The following SP140L variants were observed in gnomAD, a reference collection of about 807,000 sequenced individuals.
The protein encoded by SP140L is SP140 like nuclear body protein.
A neutral mutation model predicts 84.3 loss-of-function variants in SP140L; 64 were observed. The observed-to-expected ratio is 0.76, with a 90% CI of 0.62 to 0.94. The LOEUF (loss-of-function observed/expected upper bound fraction) is 0.94. Ranked by LOEUF, SP140L falls within the 40% of genes least tolerant of loss-of-function variation. The probability of loss-of-function intolerance (pLI) is 0.00; values close to 1 mark genes in which losing one functional copy is unlikely to be tolerated. For missense variants in SP140L, 628 were observed against 692.5 expected, an observed-to-expected ratio of 0.91 and a Z score of 1.05; for synonymous variants, 242 against 236.9, an observed-to-expected ratio of 1.02 and a Z score of -0.20.
At chr2:230,330,666 A>G (rs1319389682) in intron 2 of SP140L, among the ~76,000 whole-genome samples, 1 of 152,176 alleles carries the variant, frequency 6.6e-6, no homozygotes, top group African/African-American at 2.4e-5. Flanking sequence ...AAGGTCTTGT[A>G]CTTCTGCTAG....
intron 2 of SP140L, among the ~76,000 whole-genome samples, chr2:230,338,824 C>A (rs2059951023): frequency 7.0e-6 from 1 of 143,786 alleles, no homozygotes; most frequent in Non-Finnish European, 1.5e-5. Context: ...ATTAAACCAG[C>A]CTTGCATCCC....
At chr2:230,400,416 A>T (rs1324803480) in intron 15 of SP140L, 174 bp downstream of exon 15, 7 of 632,452 alleles carry the variant, frequency 1.1e-5, no homozygotes, top group Admixed American at 5.6e-5. Context: ...AGCAGGAGGT[A>T]AATGCTCTCT....
At chr2:230,401,513 G>A in intron 17 of SP140L, 70 bp downstream of exon 17, 4 of 1,175,182 alleles carry the variant, frequency 3.4e-6, no homozygotes, top group African/African-American at 1.9e-5. Flanking sequence ...GGGCCCTCGT[G>A]AGATTTGTGA....
chr2:230,401,167 G>A (rs550184553), intron 16 of SP140L, 104 bp downstream of exon 16: 24 of 644,590 alleles, frequency 3.7e-5, no homozygotes, highest in Admixed American at 6.1e-5. Flanking sequence ...CTGCTCTTCC[G>A]CGCCACACTT....
Position 230,385,273 on chromosome 2 carries a change from C to T in SP140L, c.753C>T (p.Asn251=). ...TGGTCTCGAGTGAAAAGAAGGCGAA[C>T]ATGAATCTGAAAGACCTTTCCAAGA... ...GQLVSSEKKA[N]MNLKDLSKIR... is the part of the protein sequence containing the mutation. The change falls in exon 9 of 19, where the codon AAC becomes AAT. Residue 251 remains asparagine (N), a synonymous_variant. Transcript: ENST00000415673. 1 of 1,613,704 alleles carries T rather than the reference C, an allele frequency of 6.2e-7. No individual in the cohort carries two copies. The highest frequency in any genetic ancestry group is 8.5e-7 in the Non-Finnish European group (1 of 1,179,730).
At chr2:230,385,130 T>G in intron 8 of SP140L, 94 bp from the exon 9 acceptor site, 1 of 1,251,706 alleles carries the variant, frequency 8.0e-7, no homozygotes, top group Non-Finnish European at 1.1e-6. Flanking sequence ...GGATCCAGAG[T>G]GAAACCCAGG....
In SP140L at chr2:230,357,833, G is replaced by C; in HGVS notation, c.136G>C (p.Glu46Gln). Residue 46 changes from glutamate (E) to glutamine (Q), a missense_variant, in exon 3 of 19, where the codon GAG (glutamate) becomes CAG (glutamine). By Grantham distance (29) the Glu-to-Gln change is conservative (BLOSUM62 2). This residue lies in a region of SP140L where 525 missense variants were observed against 518.4 expected (regional missense o/e 1.01). Transcript: ENST00000415673. ...GTTCACGGAAGACCAGGATGTAGATGAGGGACTTGTCTATGACACTGTATT... is the reference window on the plus strand; with the variant it reads ...GTTCACGGAAGACCAGGATGTAGATCAGGGACTTGTCTATGACACTGTATT... ...RLFTEDQDVD[E>Q]GLVYDTVFKH... 6.2e-7 allele frequency: 1 copy of C among 1,613,196 alleles called. No individual in the cohort carries two copies. Among genetic ancestry groups the C allele is most frequent in the Non-Finnish European group, 8.5e-7 (1 of 1,179,700 alleles).
At chr2:230,370,479 G>A (rs1246199960) in intron 5 of SP140L, among the ~76,000 whole-genome samples, 1 of 152,128 alleles carries the variant, frequency 6.6e-6, no homozygotes, top group Admixed American at 6.5e-5. Flanking sequence ...ACTTCTCACT[G>A]ACATAACTGG....
At chr2:230,392,376 C>G in intron 12 of SP140L, 147 bp downstream of exon 12, 1 of 1,256,460 alleles carries the variant, frequency 8.0e-7, no homozygotes, top group Non-Finnish European at 1.1e-6. Context: ...GAGAGGGACC[C>G]CATATCCATA....
intron 9 of SP140L, among the ~76,000 whole-genome samples, 168 bp from the exon 10 acceptor site, chr2:230,388,391 A>G (rs1559453498): frequency 6.6e-6 from 1 of 152,208 alleles, no homozygotes; most frequent in Non-Finnish European, 1.5e-5. Flanking sequence ...TGAACCTAAC[A>G]TTAGCTATCT....
intron 2 of SP140L, among the ~76,000 whole-genome samples, chr2:230,355,390 T>C (rs1435408620): frequency 1.3e-5 from 2 of 152,182 alleles, no homozygotes; most frequent in Non-Finnish European, 2.9e-5. Flanking sequence ...TAATGAAAGA[T>C]GTGCTTGATT....
At position 230,328,848 on chromosome 2, in the gene SP140L, A is replaced by G. The variant is rs1359523684; in HGVS notation, c.107+17A>G. ...TCTGCAAAGGTGATGAAGAATTACA[A>G]TTTGTTTTAATTTGTATTTTCCTGA... On this transcript the variant is annotated intron_variant, in intron 2 of 18. Transcript: ENST00000415673. The G allele has an allele frequency of 1.2e-6, 2 of 1,600,212 alleles. No individual in the cohort carries two copies. The highest frequency in any genetic ancestry group is 1.7e-5 in the Admixed American group (1 of 58,340).
In SP140L at chr2:230,361,693, A is replaced by G; in HGVS notation, c.519A>G (p.Lys173=). 1 of 1,557,344 alleles carries G rather than the reference A, an allele frequency of 6.4e-7. No individual in the cohort carries two copies. Among genetic ancestry groups the G allele is most frequent in the Non-Finnish European group, 8.7e-7 (1 of 1,149,302 alleles). Residue 173 remains lysine, a synonymous_variant, in exon 5 of 19, where the codon AAA becomes AAG. Transcript: ENST00000415673. Reference sequence around the variant, plus strand: ...GGCCTGACATCAAACTAAGTCTTAAACAAGGTAAAAATGACAGAATAAAAA... The same window carrying G: ...GGCCTGACATCAAACTAAGTCTTAAGCAAGGTAAAAATGACAGAATAAAAA... The part of the protein sequence containing the change: ...EERPDIKLSL[K]QGEVPESPEA...
intron 7 of SP140L, among the ~76,000 whole-genome samples, chr2:230,376,439 C>A (rs946943356): frequency 6.6e-6 from 1 of 152,036 alleles, no homozygotes; most frequent in Non-Finnish European, 1.5e-5. Flanking sequence ...TACACACTAA[C>A]AATGAACTAT....
intron 9 of SP140L, 25 bp downstream of exon 9, chr2:230,385,329 T>C (rs773745648): frequency 5.0e-6 from 8 of 1,607,746 alleles, no homozygotes; most frequent in Non-Finnish European, 6.0e-6. Flanking sequence ...GTACCACTTT[T>C]CATTTGCCCT....
intron 14 of SP140L, among the ~76,000 whole-genome samples, chr2:230,398,359 C>A (rs909282591): frequency 6.6e-6 from 1 of 152,114 alleles, no homozygotes; most frequent in Non-Finnish European, 1.5e-5. Flanking sequence ...ACTAAAGAAC[C>A]AGAGAAATCA....
rs1416960302 is a variant in SP140L at position 230,339,825 on chromosome 2, C to T, written c.107+10994C>T. On this transcript the variant is annotated intron_variant, in intron 2 of 18. Coordinates refer to ENST00000415673, the MANE Select transcript of SP140L (RefSeq NM_138402.6). ...GCGGTTTTGAGTGAGATTCTTAATC[C>T]TGAGTTCTAGTTTGATTGCACTGTG... 3.9e-4 allele frequency among the ~76,000 whole-genome samples: 56 copies of T among 143,058 alleles called. 1 individual carries two copies. The highest frequency in any genetic ancestry group is 1.3e-3 in the African/African-American group (51 of 37,876). 93.9% of individuals were successfully genotyped at this position (143,058 alleles called of 152,430 possible). A position where few individuals can be genotyped will look rare whatever the true frequency, so the allele number is the denominator to read the frequency against.
intron 2 of SP140L, among the ~76,000 whole-genome samples, chr2:230,345,370 C>T (rs1005323224): frequency 6.6e-6 from 1 of 152,152 alleles, no homozygotes; most frequent in Non-Finnish European, 1.5e-5. Context: ...CATACCTTCA[C>T]CTTCAGCCTA....
chr2:230,341,501 C>T (rs1440496629), intron 2 of SP140L, among the ~76,000 whole-genome samples: 2 of 149,946 alleles, frequency 1.3e-5, no homozygotes, highest in Non-Finnish European at 3.0e-5. Context: ...TCGTCAAAGT[C>T]ATTCTCCATC....
Sources: allele counts gnomAD v4.1 joint callset (sites outside exome capture counted in the v4.1 genomes callset), GRCh38; gene constraint gnomAD v4.1.1; regional missense constraint gnomAD v4.1.1; transcripts MANE v1.5; gene names NCBI Gene and HGNC (gene_info 2026-07-23, HGNC 2026-07-21).